Variants in ARIH2 observed in about 807,000 individuals in gnomAD.
ARIH2 encodes E3 ubiquitin-protein ligase ARIH2.
ARIH2 carries 12 observed loss-of-function variants against 79.8 expected under a neutral mutation model. That is an observed-to-expected ratio of 0.15 (90% CI 0.10 to 0.24). The LOEUF is 0.24. Ranked by LOEUF, ARIH2 falls within the 10% of genes least tolerant of loss-of-function variation. The probability of loss-of-function intolerance (pLI) is 1.00; values close to 1 mark genes in which losing one functional copy is unlikely to be tolerated. For synonymous variants in ARIH2, 224 were observed against 213.9 expected (o/e 1.05, Z -0.41); for missense variants, 301 against 618.3 (o/e 0.49, Z 5.44).
Position 48,985,312 on chromosome 3 carries a change from C to T in ARIH2, c.*2042C>T, listed in dbSNP as rs1322947294. 2 of 151,650 alleles carry T rather than the reference C, an allele frequency of 1.3e-5. No individual in the cohort carries two copies. The highest frequency in any genetic ancestry group is 2.9e-5 in the Non-Finnish European group (2 of 67,918). 9.4% of individuals were successfully genotyped at this position (151,650 alleles called of 1,614,324 possible). On this transcript the variant is annotated 3_prime_UTR_variant, in exon 16 of 16. Coordinates refer to ENST00000356401, the MANE Select transcript of ARIH2 (RefSeq NM_006321.4). ...CTGTAGCTCTTGGCCTGTGTAGAGCCCCCTCCTGTGCCCTCAGTGGCTGTC... is the reference window on the plus strand; with the variant it reads ...CTGTAGCTCTTGGCCTGTGTAGAGCTCCCTCCTGTGCCCTCAGTGGCTGTC...
At position 48,977,607 on chromosome 3, in the gene ARIH2, G is replaced by A. The variant is rs143113514; in HGVS notation, c.962-1875G>A. ...CAAGTAGCTGAGATTACAGGCGTCC[G>A]CCACTATACCCAGCTAATTTTTTGT... On this transcript the variant is annotated intron_variant, in intron 11 of 15. Coordinates refer to ENST00000356401, the MANE Select transcript of ARIH2 (RefSeq NM_006321.4). 9.3e-4 allele frequency among the ~76,000 whole-genome samples: 142 copies of A among 152,246 alleles called. 4 individuals are homozygous for A. In the East Asian group the frequency reaches 0.023, roughly 24 times the overall value.
intron 3 of ARIH2, among the ~76,000 whole-genome samples, chr3:48,953,023 G>A (rs2090147230): frequency 6.6e-6 from 1 of 151,926 alleles, no homozygotes; most frequent in Admixed American, 6.6e-5. Flanking sequence ...TCTGCTTCTC[G>A]AGTTCAACCG....
intron 8 of ARIH2, among the ~76,000 whole-genome samples, chr3:48,971,619 G>C (rs751823468): frequency 6.6e-6 from 1 of 152,166 alleles, no homozygotes; most frequent in African/African-American, 2.4e-5. Context: ...TTTAGGCCCA[G>C]ATCTGTCCTA....
chr3:48,956,295 C>T (rs1196641407), intron 3 of ARIH2, among the ~76,000 whole-genome samples: 2 of 151,702 alleles, frequency 1.3e-5, no homozygotes, highest in Non-Finnish European at 2.9e-5. Flanking sequence ...CCCGCCACAA[C>T]ACCCAGCTAA....
intron 3 of ARIH2, among the ~76,000 whole-genome samples, chr3:48,950,591 A>G (rs909335166): frequency 1.3e-5 from 2 of 152,052 alleles, no homozygotes; most frequent in Non-Finnish European, 2.9e-5. Context: ...TGGGATTTTC[A>G]TTTTGATTGG....
At chr3:48,919,111 G>T in intron 1 of ARIH2, 113 bp downstream of exon 1, 1 of 1,282,118 alleles carries the variant, frequency 7.8e-7, no homozygotes, top group Non-Finnish European at 9.8e-7. Context: ...CGCCCGGGAG[G>T]CCCGGGCGCT....
chr3:48,933,232 CCGGGTGTGTGTGTGTGTG>C (rs1438464697), intron 3 of ARIH2, among the ~76,000 whole-genome samples: 9 of 140,746 alleles, frequency 6.4e-5, no homozygotes, highest in South Asian at 2.3e-4. Context: ...CACCACATGC[CCGGGTGTGTGTGTGTGTG>C]TGTGTGTGTG....
intron 3 of ARIH2, among the ~76,000 whole-genome samples, chr3:48,928,838 T>TA (rs1341710888): frequency 1.3e-5 from 2 of 152,166 alleles, no homozygotes; most frequent in African/African-American, 4.8e-5. Flanking sequence ...TGTTTTTTTT[T>TA]TTGTGTGACT....
chr3:48,959,710 G>T (rs148013570), intron 3 of ARIH2, among the ~76,000 whole-genome samples: 1 of 147,020 alleles, frequency 6.8e-6, no homozygotes, highest in East Asian at 2.0e-4. Context: ...GCACGGGTCA[G>T]ATGCCACTTA....
chr3:48,926,276 C>T (rs907303851), intron 2 of ARIH2, among the ~76,000 whole-genome samples: 44 of 148,708 alleles, frequency 3.0e-4, no homozygotes, highest in Non-Finnish European at 5.2e-4. Context: ...TATGTGTGTA[C>T]GTGTGTGTGT....
rs539186537 is a variant in ARIH2, at chr3:48,942,337, C to T, written c.255+14524C>T. 2.6e-5 allele frequency among the ~76,000 whole-genome samples: 4 copies of T among 152,270 alleles called. No individual in the cohort carries two copies. In the South Asian group the frequency reaches 8.3e-4, roughly 32 times the overall value. ...AAGTGTTGGGATTACTGGCATGAGC[C>T]ACTACGTCCAGCCAAGCCTCAACTG... On this transcript the variant is annotated intron_variant, in intron 3 of 15. Transcript: ENST00000356401.
chr3:48,930,495 A>T (rs542260367), intron 3 of ARIH2, among the ~76,000 whole-genome samples: 15 of 149,618 alleles, frequency 1.0e-4, no homozygotes, highest in South Asian at 6.4e-4. Flanking sequence ...AACAACAAAA[A>T]TTTTTTTTTT....
At chr3:48,941,971 C>T (rs1361805978) in intron 3 of ARIH2, among the ~76,000 whole-genome samples, 1 of 151,792 alleles carries the variant, frequency 6.6e-6, no homozygotes, top group Non-Finnish European at 1.5e-5. Context: ...CTGCACCCTC[C>T]GCCCCCCGAG....
chr3:48,965,125 C>T lies in ARIH2; in HGVS notation c.387+143C>T, dbSNP rs185212575. ...ATCCCAGCACTTTGGGAGGCTGAGGCGGGTGGATTACGAGGTCAGGAGATC... is the reference window on the plus strand; with the variant it reads ...ATCCCAGCACTTTGGGAGGCTGAGGTGGGTGGATTACGAGGTCAGGAGATC... On this transcript the variant is annotated intron_variant, in intron 5 of 15. Transcript: ENST00000356401. The T allele has an allele frequency of 3.6e-5, 21 of 588,774 alleles. No individual in the cohort carries two copies. In the East Asian group the frequency reaches 4.6e-4, roughly 13 times the overall value. The allele number at this position is 588,774 out of a possible 1,614,324, so 36.5% of individuals were successfully genotyped here.
rs2088799585 is a variant in ARIH2, at chr3:48,944,302, C to G, written c.255+16489C>G. Among the ~76,000 whole-genome samples, 2 of 151,834 alleles carry G rather than the reference C, an allele frequency of 1.3e-5. 1 individual carries two copies. Among genetic ancestry groups the G allele is most frequent in the South Asian group, 4.2e-4 (2 of 4,810 alleles). ...TTTTTCATAATTAAAAAAAAATACC[C>G]TTATGGTCAAGGAATGATTACGTTA... On this transcript the variant is annotated intron_variant, in intron 3 of 15. Coordinates refer to ENST00000356401, the MANE Select transcript of ARIH2 (RefSeq NM_006321.4).
chr3:48,936,273 A>G (rs2087106001), intron 3 of ARIH2, among the ~76,000 whole-genome samples: 1 of 152,134 alleles, frequency 6.6e-6, no homozygotes, highest in African/African-American at 2.4e-5. Context: ...CAAAGAGGGA[A>G]GAATTGTAGG....
At position 48,983,281 on chromosome 3, in the gene ARIH2, G is replaced by A. The variant is rs1210670470; in HGVS notation, c.*11G>A. 1 of 1,613,862 alleles carries A rather than the reference G, an allele frequency of 6.2e-7. No individual in the cohort carries two copies. The highest frequency in any genetic ancestry group is 8.5e-7 in the Non-Finnish European group (1 of 1,179,972). ...TTCCATGACACCTAAGTTGGGATGT[G>A]GATGTGCCGGGGTGAGGAAGATGTG... On this transcript the variant is annotated 3_prime_UTR_variant, in exon 16 of 16. Transcript: ENST00000356401.
chr3:48,979,345 C>A, intron 11 of ARIH2, 137 bp from the exon 12 acceptor site: 1 of 818,704 alleles, frequency 1.2e-6, no homozygotes, highest in Non-Finnish European at 1.9e-6. Context: ...CACATTCCTT[C>A]GGGAAAGAGG....
intron 5 of ARIH2, among the ~76,000 whole-genome samples, 168 bp downstream of exon 5, chr3:48,965,150 C>T (rs934317123): frequency 1.3e-5 from 2 of 151,126 alleles, no homozygotes; most frequent in Non-Finnish European, 2.9e-5. Flanking sequence ...GTCAGGAGAT[C>T]GAGACCATCC....
Sources: gnomAD v4.1 joint callset for allele counts (sites outside exome capture counted in the v4.1 genomes callset) on GRCh38, gnomAD v4.1.1 for gene constraint, MANE v1.5 for transcripts, NCBI Gene and HGNC (gene_info 2026-07-23, HGNC 2026-07-21) for gene names.